Variants in PRKG1 observed in about 807,000 individuals in gnomAD.
The protein encoded by PRKG1 is cGMP-dependent protein kinase 1.
A neutral mutation model predicts 88.1 loss-of-function variants in PRKG1; 35 were observed. That is an observed-to-expected ratio of 0.40 (90% confidence interval 0.30 to 0.53). The LOEUF (loss-of-function observed/expected upper bound fraction) is 0.53, where lower values mean the gene tolerates loss of function less well. PRKG1 is among the 20% of genes least tolerant of loss of function. PRKG1 has a pLI of 0.59. For missense variants in PRKG1, 540 were observed against 839.8 expected (o/e 0.64, Z 4.41); for synonymous variants, 303 against 292.5 (o/e 1.04, Z -0.37).
At chr10:51,813,765 G>T (rs1839515348) in intron 4 of PRKG1, among the ~76,000 whole-genome samples, 1 of 152,046 alleles carries the variant, frequency 6.6e-6, no homozygotes, top group South Asian at 2.1e-4. Context: ...TCAGCCTTAG[G>T]TTGATTTTGT....
At chr10:52,287,602 C>G (rs932948298) in intron 14 of PRKG1, among the ~76,000 whole-genome samples, 1 of 151,768 alleles carries the variant, frequency 6.6e-6, no homozygotes, top group African/African-American at 2.4e-5. Flanking sequence ...CATCATCTCC[C>G]CTCTGAATTG....
At chr10:51,916,047 A>G (rs1206662093) in intron 5 of PRKG1, among the ~76,000 whole-genome samples, 5 of 151,956 alleles carry the variant, frequency 3.3e-5, no homozygotes. Context: ...CAGTTTGGCA[A>G]CTCCTCAAAA....
intron 3 of PRKG1, among the ~76,000 whole-genome samples, chr10:51,609,381 C>T (rs980053325): frequency 2.0e-5 from 3 of 152,124 alleles, no homozygotes; most frequent in African/African-American, 7.2e-5. Context: ...AAAATTTACA[C>T]TTTTGGTGAG....
At chr10:52,013,034 T>C (rs1266417353) in intron 5 of PRKG1, among the ~76,000 whole-genome samples, 1 of 152,186 alleles carries the variant, frequency 6.6e-6, no homozygotes, top group Non-Finnish European at 1.5e-5. Flanking sequence ...TTAGGAATGT[T>C]GTAGTCTAAT....
At chr10:52,279,202 C>A (rs922729389) in intron 12 of PRKG1, among the ~76,000 whole-genome samples, 1 of 152,120 alleles carries the variant, frequency 6.6e-6, no homozygotes, top group African/African-American at 2.4e-5. Flanking sequence ...GAACTACATA[C>A]AATTATAAAA....
intron 1 of PRKG1, among the ~76,000 whole-genome samples, chr10:51,099,900 A>AT (rs1844637200): frequency 6.6e-6 from 1 of 151,914 alleles, no homozygotes; most frequent in South Asian, 2.1e-4. Context: ...GTTTATTTTT[A>AT]TTTTTATTTT....
chr10:51,388,527 G>A (rs896650630), intron 2 of PRKG1, among the ~76,000 whole-genome samples: 2 of 152,150 alleles, frequency 1.3e-5, no homozygotes, highest in Admixed American at 6.5e-5. Flanking sequence ...CTATGAATAT[G>A]AGAATCAGAA....
At chr10:51,765,979 ACT>A (rs1491567540) in intron 3 of PRKG1, among the ~76,000 whole-genome samples, 11 of 151,744 alleles carry the variant, frequency 7.2e-5, no homozygotes, top group Non-Finnish European at 1.5e-4. Flanking sequence ...CAATGAGTAC[ACT>A]CTTCCTGGCT....
intron 2 of PRKG1, among the ~76,000 whole-genome samples, chr10:51,375,000 G>C (rs77332757): frequency 0.027 from 4,040 of 152,206 alleles, 154 homozygotes; most frequent in African/African-American, 0.089. Context: ...AGAGTCAGTA[G>C]AGTCTGCCAG....
chr10:51,389,579 A>G (rs556612084), intron 2 of PRKG1, among the ~76,000 whole-genome samples: 2 of 152,124 alleles, frequency 1.3e-5, no homozygotes, highest in East Asian at 1.9e-4. Context: ...TCACCCTTCT[A>G]CTTGGTGGGT....
At chr10:51,945,324 C>A in intron 5 of PRKG1, among the ~76,000 whole-genome samples, 1 of 151,346 alleles carries the variant, frequency 6.6e-6, no homozygotes, top group Non-Finnish European at 1.5e-5. Flanking sequence ...CTTCCTCCAT[C>A]CTTTTATTTT....
At chr10:51,591,164 TGC>T (rs1443561100) in intron 3 of PRKG1, among the ~76,000 whole-genome samples, 1 of 143,332 alleles carries the variant, frequency 7.0e-6, no homozygotes, top group Non-Finnish European at 1.6e-5. Context: ...TGTGTGTGTG[TGC>T]CTGTGTGTGC....
intron 1 of PRKG1, among the ~76,000 whole-genome samples, chr10:51,111,522 C>A (rs1277240498): frequency 6.6e-6 from 1 of 151,996 alleles, no homozygotes; most frequent in Non-Finnish European, 1.5e-5. Flanking sequence ...GTAGGGGAAG[C>A]TAATGAAGTA....
intron 2 of PRKG1, among the ~76,000 whole-genome samples, chr10:51,178,393 C>G (rs1837254383): frequency 6.6e-6 from 1 of 152,168 alleles, no homozygotes; most frequent in Non-Finnish European, 1.5e-5. Context: ...AATCCTAGCA[C>G]TTTGGGAGAC....
At chr10:51,856,274 C>T (rs996998479) in intron 4 of PRKG1, among the ~76,000 whole-genome samples, 41 of 152,240 alleles carry the variant, frequency 2.7e-4, no homozygotes, top group African/African-American at 7.7e-4. Flanking sequence ...TTACAGGTTC[C>T]GGGATTATGA....
chr10:52,072,158 C>CTTTTTTTTTTTTTTTTTTTTTTTTTTTGT (rs60576406), intron 7 of PRKG1, among the ~76,000 whole-genome samples: 1 of 39,556 alleles, frequency 2.5e-5, no homozygotes, highest in Non-Finnish European at 4.1e-5. Context: ...TATTGTTTTG[C>CTTTTTTTTTTTTTTTTTTTTTTTTTTTGT]TTTTTTTTTT....
intron 2 of PRKG1, among the ~76,000 whole-genome samples, chr10:51,193,577 G>C (rs1207001866): frequency 2.0e-5 from 3 of 151,964 alleles, no homozygotes; most frequent in African/African-American, 7.2e-5. Context: ...AGTTGTGGAA[G>C]GGAGCTCCTG....
chr10:51,976,607 T>C (rs1450026432), intron 5 of PRKG1, among the ~76,000 whole-genome samples: 1 of 151,972 alleles, frequency 6.6e-6, no homozygotes, highest in African/African-American at 2.4e-5. Flanking sequence ...TGGTAGGAGT[T>C]AGTGGAAATG....
chr10:51,462,978 G>T (rs1469404530), intron 2 of PRKG1, among the ~76,000 whole-genome samples: 2 of 151,980 alleles, frequency 1.3e-5, no homozygotes, highest in Admixed American at 1.3e-4. Context: ...ACCACATTTG[G>T]GTTATCATTT....
Sources: allele counts gnomAD v4.1 joint callset (sites outside exome capture counted in the v4.1 genomes callset), GRCh38; gene constraint gnomAD v4.1.1; transcripts MANE v1.5; gene names NCBI Gene and HGNC (gene_info 2026-07-23, HGNC 2026-07-21).